LGR4: variants seen among roughly 807,000 people sequenced by gnomAD.
LGR4 encodes the protein leucine-rich repeat-containing G protein-coupled receptor 4.
In LGR4, 44 loss-of-function variants were observed where a neutral mutation model predicts 84.8. The ratio of observed to expected loss-of-function variants is 0.52; its 90% CI spans 0.41 to 0.67. The LOEUF (loss-of-function observed/expected upper bound fraction) is 0.67. Among genes scored for constraint, LGR4 ranks in the 30% least tolerant of loss-of-function variants. The pLI, the probability that LGR4 is intolerant of heterozygous loss-of-function variation, is 0.00. For missense variants in LGR4, 1,032 were observed against 1,131.4 expected, an observed-to-expected ratio of 0.91 and a Z score of 1.26; for synonymous variants, 429 against 434.3, an observed-to-expected ratio of 0.99 and a Z score of 0.15.
chr11:27,429,772 G>A (rs747738319), intron 1 of LGR4, among the ~76,000 whole-genome samples: 11 of 152,168 alleles, frequency 7.2e-5, no homozygotes, highest in Non-Finnish European at 4.4e-5. Context: ...AGGTGACTGG[G>A]CAAGATTTAA....
At chr11:27,448,912 C>CTGA (rs1390809221) in intron 1 of LGR4, among the ~76,000 whole-genome samples, 1 of 152,166 alleles carries the variant, frequency 6.6e-6, no homozygotes, top group Non-Finnish European at 1.5e-5. Flanking sequence ...CATTCACTCA[C>CTGA]TGATACTTAA....
intron 2 of LGR4, among the ~76,000 whole-genome samples, chr11:27,394,937 AC>A (rs1296318848): frequency 1.3e-5 from 2 of 152,062 alleles, no homozygotes; most frequent in African/African-American, 4.8e-5. Context: ...TGAAACAGAA[AC>A]TGCTTTCTCA....
At position 27,374,155 on chromosome 11, in the gene LGR4, T is replaced by A; in HGVS notation, c.1182-109A>T. ...TAGTAACACAATATCGCTGATAAGA[T>A]AACAAAGATCTTCAATCTTGGCCAG... On this transcript the variant is annotated intron_variant, in intron 13 of 17. Coordinates refer to ENST00000379214, the MANE Select transcript of LGR4 (RefSeq NM_018490.5). 3 of 738,628 alleles carry A rather than the reference T, an allele frequency of 4.1e-6. No individual in the cohort carries two copies. The South Asian group carries it at 4.8e-5, about 12-fold the overall frequency. The allele number at this position is 738,628 out of a possible 1,614,324, so 45.8% of individuals were successfully genotyped here.
At chr11:27,386,065 C>G (rs1237463385) in intron 4 of LGR4, among the ~76,000 whole-genome samples, 1 of 152,108 alleles carries the variant, frequency 6.6e-6, no homozygotes, top group Non-Finnish European at 1.5e-5. Flanking sequence ...CTTCTCTTAG[C>G]AGTTAAGTGC....
rs143523173 is a variant in LGR4, at chr11:27,438,443, T to C, written c.186-25583A>G. Among the ~76,000 whole-genome samples the C allele has an allele frequency of 3.1e-3, 479 of 152,288 alleles. 3 individuals are homozygous for C. The highest frequency in any genetic ancestry group is 0.011 in the African/African-American group (464 of 41,554). On this transcript the variant is annotated intron_variant, in intron 1 of 17. Coordinates refer to ENST00000379214, the MANE Select transcript of LGR4 (RefSeq NM_018490.5). ...AAGCTGGGAGGTTACTGGTATCTAG[T>C]GAGTAGGGGCCAGGGATGGTGTTAA... is the stretch of plus-strand genomic sequence containing the variant.
At chr11:27,437,771 GCAGGAGGACC>G (rs1864236779) in intron 1 of LGR4, among the ~76,000 whole-genome samples, 1 of 151,044 alleles carries the variant, frequency 6.6e-6, no homozygotes, top group Non-Finnish European at 1.5e-5. Context: ...GGAGGTACAG[GCAGGAGGACC>G]TCCTGAGCCC....
chr11:27,380,655 G>T lies in LGR4; in HGVS notation c.887C>A (p.Ser296Tyr). 6.3e-7 allele frequency: 1 copy of T among 1,583,476 alleles called. No individual in the cohort carries two copies. Among genetic ancestry groups the T allele is most frequent in the Non-Finnish European group, 8.7e-7 (1 of 1,154,026 alleles). ...FVGNSAFHNL[S>Y]DLHSLVIRGA... is the part of the protein sequence containing the mutation. ...ACATACTTACAGGGAATGAAGATCA[G>T]ATAAATTGTGAAATGCTGAGTTCCC... The change falls in exon 9 of 18, where the codon TCT becomes TAT. Residue 296 changes from serine to tyrosine, a missense_variant. By Grantham distance (144) the Ser-to-Tyr change is moderately radical (BLOSUM62 -2). Transcript: ENST00000379214.
chr11:27,378,986 A>G (rs1430247247), intron 10 of LGR4: 2 of 536,202 alleles, frequency 3.7e-6, no homozygotes, highest in African/African-American at 1.9e-5. Context: ...GTGACATTAG[A>G]TGTTGATACT....
chr11:27,373,380 G>A, intron 15 of LGR4, 171 bp downstream of exon 15: 1 of 546,100 alleles, frequency 1.8e-6, no homozygotes, highest in Non-Finnish European at 3.1e-6. Context: ...AAAGACTGTG[G>A]AATAATGTTC....
intron 1 of LGR4, among the ~76,000 whole-genome samples, chr11:27,465,908 C>T (rs1428683134): frequency 6.6e-6 from 1 of 152,108 alleles, no homozygotes; most frequent in Admixed American, 6.5e-5. Flanking sequence ...AGCATTTTAT[C>T]ATCTTCAATC....
rs550703998 is a variant in LGR4 at position 27,458,586 on chromosome 11, T to A, written c.185+13532A>T. Among the ~76,000 whole-genome samples, 468 of 152,154 alleles carry A rather than the reference T, an allele frequency of 3.1e-3. 2 individuals are homozygous for A. The highest frequency in any genetic ancestry group is 0.011 in the African/African-American group (451 of 41,496). ...GGAATTTCGCTCTTTTCACCCAGGC[T>A]GGAATGCAATGGCACGATCTCAGCT... On this transcript the variant is annotated intron_variant, in intron 1 of 17. Transcript: ENST00000379214.
intron 15 of LGR4, chr11:27,373,106 C>G (rs1320472417): frequency 6.6e-6 from 1 of 152,504 alleles, no homozygotes; most frequent in Admixed American, 6.5e-5. Context: ...GTGATCAGCC[C>G]ACCTTGGCCT....
chr11:27,416,497 A>T (rs970460683), intron 1 of LGR4, among the ~76,000 whole-genome samples: 1 of 152,160 alleles, frequency 6.6e-6, no homozygotes, highest in Non-Finnish European at 1.5e-5. Context: ...AAGCCATCTG[A>T]ATCCAGTGGA....
rs763888757 is a variant in LGR4 at position 27,368,908 on chromosome 11, G to A, written c.1815C>T (p.Phe605=). The change falls in exon 18 of 18, where the codon TTC becomes TTT. Residue 605 remains phenylalanine, a synonymous_variant. Transcript: ENST00000379214. The part of the protein sequence containing the change: ...TFLDAVSWGR[F]AEFGIWWETG... ...TTTCCCACCAAATGCCAAATTCAGC[G>A]AATCTGCCCCAGGACACAGCATCAA... 47 of 1,613,990 alleles carry A rather than the reference G, an allele frequency of 2.9e-5. No individual in the cohort carries two copies. The highest frequency in any genetic ancestry group is 1.6e-4 in the Middle Eastern group (1 of 6,084).
In LGR4 at chr11:27,435,201, C is replaced by T. The variant is rs374064741; in HGVS notation, c.186-22341G>A. Among the ~76,000 whole-genome samples, 60 of 151,934 alleles carry T rather than the reference C, an allele frequency of 3.9e-4. No homozygotes were observed. In the East Asian group the frequency reaches 5.5e-3, roughly 14 times the overall value. Reference sequence around the variant, plus strand: ...AATACAAATTAGCTGGGCATGGTGACGCACGCCTGTAATCCCAGTTGCTTG... The same window carrying T: ...AATACAAATTAGCTGGGCATGGTGATGCACGCCTGTAATCCCAGTTGCTTG... On this transcript the variant is annotated intron_variant, in intron 1 of 17. Coordinates refer to ENST00000379214, the MANE Select transcript of LGR4 (RefSeq NM_018490.5).
chr11:27,472,083 TC>T (rs200956245), intron 1 of LGR4, 34 bp downstream of exon 1: 735,128 of 1,001,252 alleles, frequency 0.73, 266,619 homozygotes, highest in Non-Finnish European at 0.77. Flanking sequence ...CCCCGTTTCC[TC>T]CCCCCCCCTC....
At chr11:27,421,693 A>T (rs573663501) in intron 1 of LGR4, among the ~76,000 whole-genome samples, 1 of 152,330 alleles carries the variant, frequency 6.6e-6, no homozygotes, top group East Asian at 1.9e-4. Context: ...AAGAAAATAA[A>T]TAAAACTAGT....
intron 4 of LGR4, among the ~76,000 whole-genome samples, chr11:27,387,189 C>T (rs946294116): frequency 3.9e-5 from 6 of 152,172 alleles, no homozygotes; most frequent in East Asian, 1.9e-4. Context: ...ATTCACTCAA[C>T]GCAGTTAAAT....
At chr11:27,445,296 A>C (rs1459335403) in intron 1 of LGR4, among the ~76,000 whole-genome samples, 2 of 152,212 alleles carry the variant, frequency 1.3e-5, no homozygotes, top group Admixed American at 1.3e-4. Flanking sequence ...CTCTGGAGTC[A>C]GACTATGTGG....
Sources: gnomAD v4.1 joint callset for allele counts (sites outside exome capture counted in the v4.1 genomes callset) on GRCh38, gnomAD v4.1.1 for gene constraint, MANE v1.5 for transcripts, NCBI Gene and HGNC (gene_info 2026-07-23, HGNC 2026-07-21) for gene names.